The following SHROOM4 variants were observed in gnomAD, a reference collection of about 807,000 sequenced individuals.
SHROOM4 encodes the protein protein Shroom4.
Under a neutral mutation model 80.3 loss-of-function variants are expected in SHROOM4, and 17 were observed. That is an observed-to-expected ratio of 0.21 (90% CI 0.14 to 0.32). The LOEUF (loss-of-function observed/expected upper bound fraction) is 0.32. Among genes scored for constraint, SHROOM4 ranks in the 10% least tolerant of loss-of-function variants. The probability of loss-of-function intolerance (pLI) is 1.00; values close to 1 mark genes in which losing one functional copy is unlikely to be tolerated. For synonymous variants in SHROOM4, 400 were observed against 437.5 expected (o/e 0.91, Z 1.07); for missense variants, 993 against 1,140.3 (o/e 0.87, Z 1.86).
At chrX:50,697,657 G>A (rs1342838738) in intron 1 of SHROOM4, among the ~76,000 whole-genome samples, 1 of 111,424 alleles carries the variant, frequency 9.0e-6, no homozygotes, top group Non-Finnish European at 1.9e-5. Context: ...CCTTTGTTCC[G>A]GTACCCGGGC....
intron 7 of SHROOM4, among the ~76,000 whole-genome samples, chrX:50,598,838 T>C (rs1183058162): frequency 4.5e-5 from 5 of 111,557 alleles, no homozygotes; most frequent in Non-Finnish European, 9.4e-5. Context: ...ACTTTGTTTT[T>C]TTTTTGAGAT....
rs781833948 is a variant in SHROOM4, at chrX:50,707,039, G to GT, written c.118-11103dup. 1.9e-3 allele frequency among the ~76,000 whole-genome samples: 218 copies of GT among 111,995 alleles called. 1 individual carries two copies. Among genetic ancestry groups the GT allele is most frequent in the African/African-American group, 6.1e-3 (189 of 30,811 alleles). On this transcript the variant is annotated intron_variant, in intron 1 of 8. Transcript: ENST00000376020. ...TCAAAGTAACATCGACTCCACCTTCGTGTGTACAGACATTACAACAGGCTC... is the reference window on the plus strand; with the variant it reads ...TCAAAGTAACATCGACTCCACCTTCGTTGTGTACAGACATTACAACAGGCTC...
chrX:50,779,692 G>A (rs782182597), intron 1 of SHROOM4, among the ~76,000 whole-genome samples: 2 of 111,621 alleles, frequency 1.8e-5, no homozygotes, highest in Non-Finnish European at 3.8e-5. Context: ...AGAGAGTCTC[G>A]CAATGTGCCT....
intron 2 of SHROOM4, among the ~76,000 whole-genome samples, chrX:50,652,248 T>C (rs1445897211): frequency 8.9e-6 from 1 of 112,060 alleles, no homozygotes; most frequent in Non-Finnish European, 1.9e-5. Flanking sequence ...GCATCTGTTG[T>C]TTCCTGACTT....
intron 1 of SHROOM4, among the ~76,000 whole-genome samples, chrX:50,723,393 G>GGGGA (rs1557265631): frequency 1.8e-5 from 1 of 54,471 alleles, no homozygotes; most frequent in African/African-American, 6.6e-5. Flanking sequence ...AGCAAGGGAG[G>GGGGA]GAGAGAGAGA....
intron 1 of SHROOM4, among the ~76,000 whole-genome samples, chrX:50,758,051 A>T (rs1158307311): frequency 1.8e-5 from 2 of 111,239 alleles, no homozygotes; most frequent in Non-Finnish European, 3.8e-5. Context: ...TTTTGATGCT[A>T]TTGTGAATGA....
chrX:50,602,904 C>G (rs1929495961), intron 6 of SHROOM4, 91 bp from the exon 7 acceptor site: 5 of 889,564 alleles, frequency 5.6e-6, no homozygotes, highest in Non-Finnish European at 8.1e-6. Context: ...AAAATGGAAC[C>G]CTGCTTCACC....
At chrX:50,597,522 T>A (rs1557246889) in intron 8 of SHROOM4, among the ~76,000 whole-genome samples, 1 of 111,917 alleles carries the variant, frequency 8.9e-6, no homozygotes, top group Admixed American at 9.5e-5. Flanking sequence ...AGCTTTCCAA[T>A]CTCAAATACT....
At chrX:50,620,062 C>T (rs1192212403) in intron 5 of SHROOM4, among the ~76,000 whole-genome samples, 19 of 111,303 alleles carry the variant, frequency 1.7e-4, no homozygotes, top group Admixed American at 1.6e-3. Context: ...GTCATTGGTA[C>T]GGGGATTTTT....
At chrX:50,625,055 T>A (rs1249487265) in intron 5 of SHROOM4, among the ~76,000 whole-genome samples, 1 of 111,950 alleles carries the variant, frequency 8.9e-6, no homozygotes, top group African/African-American at 3.3e-5. Context: ...GGTATGCTCA[T>A]ATATTGCTAA....
chrX:50,619,660 A>C (rs1486778671), intron 5 of SHROOM4, among the ~76,000 whole-genome samples: 2 of 112,012 alleles, frequency 1.8e-5, no homozygotes, highest in African/African-American at 6.5e-5. Flanking sequence ...GTCCTGGGTG[A>C]AGCTTAGCTC....
chrX:50,664,256 T>C (rs1394206170), intron 2 of SHROOM4, among the ~76,000 whole-genome samples: 1 of 112,202 alleles, frequency 8.9e-6, no homozygotes, highest in Admixed American at 9.5e-5. Flanking sequence ...AACCCCCAAG[T>C]CCATTGCTCT....
At chrX:50,648,279 G>C (rs1180148846) in intron 2 of SHROOM4, among the ~76,000 whole-genome samples, 4 of 111,736 alleles carry the variant, frequency 3.6e-5, no homozygotes, top group African/African-American at 9.8e-5. Flanking sequence ...GAGGAAAAAA[G>C]AATGAGCTAT....
At chrX:50,768,679 T>C (rs1935330566) in intron 1 of SHROOM4, among the ~76,000 whole-genome samples, 1 of 112,351 alleles carries the variant, frequency 8.9e-6, no homozygotes, top group Non-Finnish European at 1.9e-5. Flanking sequence ...CTTAGTGCTT[T>C]TGTCAGCAAC....
chrX:50,776,950 A>G (rs1209682467), intron 1 of SHROOM4, among the ~76,000 whole-genome samples: 1 of 111,284 alleles, frequency 9.0e-6, no homozygotes, highest in Non-Finnish European at 1.9e-5. Context: ...GGCCTCCCAA[A>G]GTGCTAGGAT....
intron 2 of SHROOM4, among the ~76,000 whole-genome samples, chrX:50,679,678 A>G (rs1266939154): frequency 1.8e-5 from 2 of 111,829 alleles, no homozygotes; most frequent in African/African-American, 3.2e-5. Flanking sequence ...CCAAACATTT[A>G]TCATTTCTTC....
chrX:50,670,578 A>T (rs548507038), intron 2 of SHROOM4, among the ~76,000 whole-genome samples: 300 of 111,745 alleles, frequency 2.7e-3, no homozygotes, highest in Middle Eastern at 9.3e-3. Flanking sequence ...ATACGTGTAC[A>T]TGTGTCTTTG....
chrX:50,598,129 G>A (rs140531597), intron 8 of SHROOM4, 137 bp downstream of exon 8: 3 of 864,646 alleles, frequency 3.5e-6, no homozygotes, highest in Non-Finnish European at 5.0e-6. Flanking sequence ...ATGAGCCACC[G>A]TGCCCATCCT....
intron 7 of SHROOM4, 116 bp from the exon 8 acceptor site, chrX:50,598,651 T>C (rs1216010947): frequency 1.1e-6 from 1 of 923,206 alleles, no homozygotes; most frequent in African/African-American, 2.0e-5. Context: ...TCTATCCTAG[T>C]CACTGGAAAC....
Sources: allele counts gnomAD v4.1 joint callset (sites outside exome capture counted in the v4.1 genomes callset), GRCh38; gene constraint gnomAD v4.1.1; transcripts MANE v1.5; gene names NCBI Gene and HGNC (gene_info 2026-07-23, HGNC 2026-07-21).